The following SLC30A8 variants were observed in gnomAD, a reference collection of about 807,000 sequenced individuals.
SLC30A8 encodes solute carrier family 30 member 8, also known as proton-coupled zinc antiporter SLC30A8.
Under a neutral mutation model 36.9 loss-of-function variants are expected in SLC30A8, and 27 were observed. The ratio of observed to expected loss-of-function variants is 0.73; its 90% CI spans 0.54 to 1.01. The LOEUF (loss-of-function observed/expected upper bound fraction) is 1.01. Among genes scored for constraint, SLC30A8 ranks in the 50% least tolerant of loss-of-function variants. The pLI, the probability that SLC30A8 is intolerant of heterozygous loss-of-function variation, is 0.00. For missense variants in SLC30A8, 439 were observed against 452.0 expected (o/e 0.97, Z 0.26); for synonymous variants, 164 against 172.4 (o/e 0.95, Z 0.38).
chr8:117,168,895 AACTG>A (rs1458410022), intron 6 of SLC30A8, among the ~76,000 whole-genome samples: 2 of 152,154 alleles, frequency 1.3e-5, no homozygotes, highest in Non-Finnish European at 2.9e-5. Context: ...TCCTTAATCT[AACTG>A]ACCTCAATTT....
intron 4 of SLC30A8, among the ~76,000 whole-genome samples, chr8:117,158,095 A>C (rs905752239): frequency 6.6e-6 from 1 of 152,200 alleles, no homozygotes; most frequent in Non-Finnish European, 1.5e-5. Flanking sequence ...GGATGTTTGA[A>C]TATATATTAC....
At chr8:117,106,021 C>G (rs1053519794) in intron 2 of SLC30A8, among the ~76,000 whole-genome samples, 2 of 151,966 alleles carry the variant, frequency 1.3e-5, no homozygotes, top group South Asian at 2.1e-4. Context: ...TTTTCAGTTG[C>G]AGCTCTTCGT....
chr8:116,994,342 A>G (rs779029149), intron 1 of SLC30A8, among the ~76,000 whole-genome samples: 30 of 152,126 alleles, frequency 2.0e-4, no homozygotes, highest in Non-Finnish European at 4.1e-4. Flanking sequence ...CGTGCACAGA[A>G]AAGAATGCAC....
At chr8:116,999,763 ATAAT>A (rs755122705) in intron 1 of SLC30A8, among the ~76,000 whole-genome samples, 9 of 152,316 alleles carry the variant, frequency 5.9e-5, no homozygotes, top group Non-Finnish European at 1.3e-4. Flanking sequence ...AGGCTTTAAA[ATAAT>A]TATAGTAGGA....
At chr8:116,996,487 T>G (rs899369674) in intron 1 of SLC30A8, among the ~76,000 whole-genome samples, 1 of 152,248 alleles carries the variant, frequency 6.6e-6, no homozygotes, top group Non-Finnish European at 1.5e-5. Context: ...ATACTTATTT[T>G]TTTGTGGTGA....
rs1454333817 is a variant in SLC30A8, at chr8:117,049,262, A to G, written c.-226+10004A>G. ...TTCTAGTTATCCTTGTGGTCACTAC[A>G]TAATGTTGCCCACATGCCAACCACT... On this transcript the variant is annotated intron_variant, in intron 2 of 10. Coordinates refer to the SLC30A8 transcript ENST00000427715. Among the ~76,000 whole-genome samples, 7 of 152,216 alleles carry G rather than the reference A, an allele frequency of 4.6e-5. No homozygotes were observed. The East Asian group carries it at 1.3e-3, about 29-fold the overall frequency.
intron 1 of SLC30A8, among the ~76,000 whole-genome samples, chr8:116,956,583 A>C (rs937195828): frequency 2.0e-5 from 3 of 152,128 alleles, no homozygotes; most frequent in African/African-American, 7.2e-5. Flanking sequence ...TTAAAAAAAC[A>C]GTGTATATCT....
intron 1 of SLC30A8, among the ~76,000 whole-genome samples, chr8:117,005,421 G>A (rs571314946): frequency 3.9e-5 from 6 of 152,184 alleles, no homozygotes; most frequent in South Asian, 2.1e-4. Context: ...TTTTTATTGC[G>A]GACCAATATT....
intron 2 of SLC30A8, among the ~76,000 whole-genome samples, chr8:117,048,727 G>A (rs1267438567): frequency 6.6e-6 from 1 of 152,194 alleles, no homozygotes; most frequent in African/African-American, 2.4e-5. Context: ...TGCCTGGCAT[G>A]AGTGCTCAAC....
chr8:117,167,877 G>T (rs941391661), intron 6 of SLC30A8, among the ~76,000 whole-genome samples: 6 of 152,076 alleles, frequency 3.9e-5, no homozygotes, highest in Non-Finnish European at 7.4e-5. Context: ...ACCTGAGACT[G>T]GGTAATTATA....
At chr8:117,035,642 C>T (rs1398020626) in intron 1 of SLC30A8, among the ~76,000 whole-genome samples, 1 of 152,240 alleles carries the variant, frequency 6.6e-6, no homozygotes, top group Non-Finnish European at 1.5e-5. Flanking sequence ...TGGGGGCTCA[C>T]ACCACACATT....
intron 1 of SLC30A8, among the ~76,000 whole-genome samples, chr8:116,980,849 TTAA>T (rs1436235989): frequency 1.3e-5 from 2 of 152,024 alleles, no homozygotes; most frequent in African/African-American, 4.8e-5. Context: ...TTTTCACATA[TTAA>T]TTATTATAAA....
At chr8:117,030,870 G>C (rs1232995004) in intron 1 of SLC30A8, among the ~76,000 whole-genome samples, 1 of 152,000 alleles carries the variant, frequency 6.6e-6, no homozygotes, top group South Asian at 2.1e-4. Context: ...TGTTCAAGAA[G>C]TATGGGAAAA....
At chr8:117,146,700 C>G (rs1586585258) in intron 1 of SLC30A8, 2 of 599,864 alleles carry the variant, frequency 3.3e-6, no homozygotes, top group East Asian at 7.8e-5. Flanking sequence ...TTTGATATCT[C>G]TTAATAATTG....
intron 2 of SLC30A8, among the ~76,000 whole-genome samples, chr8:117,101,001 T>C (rs545378796): frequency 2.0e-5 from 3 of 152,154 alleles, no homozygotes; most frequent in Non-Finnish European, 4.4e-5. Flanking sequence ...TCTCCATGTA[T>C]AGCAAGATGT....
chr8:117,128,898 C>T (rs889929523), intron 2 of SLC30A8, among the ~76,000 whole-genome samples: 2 of 151,972 alleles, frequency 1.3e-5, no homozygotes, highest in African/African-American at 4.8e-5. Flanking sequence ...TATTCAGTGA[C>T]ACACTGAAAA....
chr8:117,106,542 TC>T, intron 2 of SLC30A8, among the ~76,000 whole-genome samples: 1 of 152,194 alleles, frequency 6.6e-6, no homozygotes, highest in Non-Finnish European at 1.5e-5. Context: ...GAGTTGTTTT[TC>T]TTTTGTGGAT....
chr8:117,133,093 G>A (rs914215984), upstream of SLC30A8, among the ~76,000 whole-genome samples: 2 of 151,698 alleles, frequency 1.3e-5, no homozygotes, highest in Non-Finnish European at 2.9e-5. Context: ...TATATTTTAG[G>A]TATCTATATA....
intron 1 of SLC30A8, among the ~76,000 whole-genome samples, chr8:116,972,899 C>G (rs2130620649): frequency 6.6e-6 from 1 of 152,310 alleles, no homozygotes; most frequent in East Asian, 1.9e-4. Flanking sequence ...CCACTAGTGA[C>G]TACATTCTAG....
Sources: allele counts gnomAD v4.1 joint callset (sites outside exome capture counted in the v4.1 genomes callset), GRCh38; gene constraint gnomAD v4.1.1; transcripts MANE v1.5; gene names NCBI Gene and HGNC (gene_info 2026-07-23, HGNC 2026-07-21).